BRME1: variants seen among roughly 807,000 people sequenced by gnomAD.
BRME1 encodes the protein BRCA2 and MEILB2-associating protein 1.
BRME1 carries 31 observed loss-of-function variants against 52.6 expected under a neutral mutation model. The ratio of observed to expected loss-of-function variants is 0.59; its 90% confidence interval spans 0.44 to 0.80. The LOEUF (loss-of-function observed/expected upper bound fraction) is 0.80. BRME1 is among the 30% of genes least tolerant of loss of function. BRME1 has a pLI of 0.00. For synonymous variants in BRME1, 359 were observed against 353.6 expected (o/e 1.02, Z -0.17); for missense variants, 804 against 860.3 (o/e 0.93, Z 0.82).
Position 13,890,314 on chromosome 19 carries a change from T to A in BRME1, c.542A>T (p.Gln181Leu), listed in dbSNP as rs754702885. 7 of 1,606,424 alleles carry A rather than the reference T, an allele frequency of 4.4e-6. No individual in the cohort carries two copies. The Admixed American group carries it at 1.0e-4, about 23-fold the overall frequency. Residue 181 changes from glutamine (Q) to leucine (L), a missense_variant, in exon 6 of 9, where the codon CAG becomes CTG. Gln to Leu is a moderately radical substitution (Grantham distance 113). Coordinates refer to ENST00000586783, the MANE Select transcript of BRME1 (RefSeq NM_001345843.2). ...AGAATCCCCACTGCCGGGCACCGCCTGCACAGGGCTCTGGCTGCTCTGCTC... is the reference window on the plus strand; with the variant it reads ...AGAATCCCCACTGCCGGGCACCGCCAGCACAGGGCTCTGGCTGCTCTGCTC... ...RPEQSSQSPVQAVPGSGDSQP... is the reference protein window; with the variant it reads ...RPEQSSQSPVLAVPGSGDSQP...
chr19:13,884,362 A>C (rs1968847622), intron 7 of BRME1, among the ~76,000 whole-genome samples: 1 of 152,028 alleles, frequency 6.6e-6, no homozygotes, highest in Non-Finnish European at 1.5e-5. Context: ...ACGATGGCTC[A>C]TGCCTGTAAT....
At chr19:13,896,747 G>A (rs1969930122) in intron 2 of BRME1, among the ~76,000 whole-genome samples, 2 of 151,146 alleles carry the variant, frequency 1.3e-5, no homozygotes, top group South Asian at 2.1e-4. Context: ...CTAGAGTGAG[G>A]TGGTGCAACT....
chr19:13,885,874 A>T, intron 7 of BRME1, 87 bp downstream of exon 7: 1 of 1,162,766 alleles, frequency 8.6e-7, no homozygotes, highest in Non-Finnish European at 1.3e-6. Context: ...AGGGAGGGAG[A>T]ACTGGGGTCT....
At chr19:13,894,250 C>T (rs990060136) in intron 3 of BRME1, among the ~76,000 whole-genome samples, 10 of 152,104 alleles carry the variant, frequency 6.6e-5, no homozygotes, top group Non-Finnish European at 1.3e-4. Flanking sequence ...AAGGGCCAGG[C>T]GTGGTGGCTC....
chr19:13,889,086 G>A (rs991825058), intron 6 of BRME1, 102 bp downstream of exon 6: 1 of 1,127,960 alleles, frequency 8.9e-7, no homozygotes. Flanking sequence ...TAAGCCCTGA[G>A]CCCCAGCTCC....
At position 13,895,489 on chromosome 19, in the gene BRME1, C is replaced by T. The variant is rs1341466619; in HGVS notation, c.89G>A (p.Gly30Glu). ...GCCCAACATGGAACTCTGGGGGTCC[C>T]CATAGAAGTCTCCTAGCCTTGGGTT... The part of the protein sequence containing the change: ...LKNPRLGDFY[G>E]DPQSSMLGCL... The change falls in exon 3 of 9, where the codon GGG becomes GAG. Residue 30 changes from glycine to glutamate, a missense_variant. This residue lies in a region of BRME1 where 234 missense variants were observed against 258.1 expected (regional missense o/e 0.91). Coordinates refer to ENST00000586783, the MANE Select transcript of BRME1 (RefSeq NM_001345843.2). The T allele has an allele frequency of 3.1e-6, 5 of 1,613,908 alleles. No individual in the cohort carries two copies. The highest frequency in any genetic ancestry group is 4.2e-6 in the Non-Finnish European group (5 of 1,179,962).
In BRME1 at chr19:13,883,346, G is replaced by A. The variant is rs1369325712; in HGVS notation, c.1818C>T (p.Asn606=). The change falls in exon 8 of 9, where the codon AAC becomes AAT. Residue 606 remains asparagine, a synonymous_variant. Transcript: ENST00000586783. This position sits in a 1 kb window ranked among gnomAD's most constrained non-coding sequence, Gnocchi z 4.2. The part of the protein sequence containing the change: ...SEASRMEDAT[N]VVRGLIVELS... ...GCTCAACGATGAGGCCACGCACGAC[G>A]TTGGTGGCATCCTCCATCCTGGAGG... 12 of 1,535,246 alleles carry A rather than the reference G, an allele frequency of 7.8e-6. No homozygotes were observed. The highest frequency in any genetic ancestry group is 2.4e-5 in the East Asian group (1 of 40,880).
Position 13,889,568 on chromosome 19 carries a change from T to C in BRME1, c.1288A>G (p.Met430Val). The C allele has an allele frequency of 6.2e-7, 1 of 1,613,222 alleles. No individual in the cohort carries two copies. The highest frequency in any genetic ancestry group is 8.5e-7 in the Non-Finnish European group (1 of 1,179,714). ...ALAPGSGESMMGAGDSGHASP... is the reference protein window; with the variant it reads ...ALAPGSGESMVGAGDSGHASP... ...GCATGACCGGAATCTCCAGCACCCA[T>C]CATGGACTCTCCGCTCCCAGGTGCC... Residue 430 changes from methionine to valine, a missense_variant, in exon 6 of 9, where the codon ATG becomes GTG. Physicochemically the swap from Met to Val is conservative, Grantham distance 21. Coordinates refer to ENST00000586783, the MANE Select transcript of BRME1 (RefSeq NM_001345843.2).
chr19:13,885,943 C>A lies in BRME1; in HGVS notation c.1763+18G>T. 6.2e-7 allele frequency: 1 copy of A among 1,611,128 alleles called. No individual in the cohort carries two copies. Among genetic ancestry groups the A allele is most frequent in the South Asian group, 1.1e-5 (1 of 90,924 alleles). ...TTGTGAGGGTCCTGGAGCCACTTCT[C>A]ACCCACGCCACACCTACCTCGGCTG... On this transcript the variant is annotated intron_variant, in intron 7 of 8. Transcript: ENST00000586783.
chr19:13,897,295 C>T (rs1969977079), intron 2 of BRME1, among the ~76,000 whole-genome samples: 1 of 152,090 alleles, frequency 6.6e-6, no homozygotes, highest in Admixed American at 6.6e-5. Context: ...CCTCGGCCTC[C>T]CAAAGTGCTG....
In BRME1 at chr19:13,886,289, G is replaced by A. The variant is rs575290066; in HGVS notation, c.1669-234C>T. ...GTCCTTTCCCCTTGGAAAGAGAAAG[G>A]CCACAGCCAACCCTGGTGTCCGCTC... On this transcript the variant is annotated intron_variant, in intron 6 of 8. Coordinates refer to ENST00000586783, the MANE Select transcript of BRME1 (RefSeq NM_001345843.2). Among the ~76,000 whole-genome samples, 39 of 152,330 alleles carry A rather than the reference G, an allele frequency of 2.6e-4. 1 individual carries two copies. The South Asian group carries it at 7.9e-3, about 31-fold the overall frequency.
intron 6 of BRME1, among the ~76,000 whole-genome samples, chr19:13,886,345 G>A (rs773526989): frequency 1.8e-4 from 28 of 152,214 alleles, no homozygotes; most frequent in Non-Finnish European, 3.7e-4. Context: ...GGCTGATCTG[G>A]GCAGTGGGGG....
Position 13,882,963 on chromosome 19 carries a change from A to G in BRME1, c.1857-11T>C. The G allele has an allele frequency of 2.5e-6, 4 of 1,610,722 alleles. No individual in the cohort carries two copies. The highest frequency in any genetic ancestry group is 3.4e-6 in the Non-Finnish European group (4 of 1,179,164). On this transcript the variant is annotated splice_polypyrimidine_tract_variant and intron_variant, in intron 8 of 8. Transcript: ENST00000586783. The stretch of plus-strand genomic sequence containing the variant: ...CCCATGATCAGCCGGCTGTGGGGGA[A>G]ACACAGGCATGCGTGTGGGGCTCAG...
rs757218856 is a variant in BRME1 at position 13,890,412 on chromosome 19, C to T, written c.444G>A (p.Val148=). 1 of 1,518,606 alleles carries T rather than the reference C, an allele frequency of 6.6e-7. No individual in the cohort carries two copies. Among genetic ancestry groups the T allele is most frequent in the Non-Finnish European group, 8.8e-7 (1 of 1,140,622 alleles). The allele number at this position is 1,518,606 out of a possible 1,614,324, so 94.1% of individuals were successfully genotyped here. A position where few individuals can be genotyped will look rare whatever the true frequency, so the allele number is the denominator to read the frequency against. Residue 148 remains valine (V), a synonymous_variant, in exon 6 of 9, where the codon GTG becomes GTA. Transcript: ENST00000586783. ...SAQSPGCQLL[V]ETLGVPLQEA... ...CCTGGAGGGGGACCCCCAGGGTCTC[C>T]ACTAGCAGCTGGCATCCTGGACTCT...
chr19:13,905,292 C>T (rs866030398), intron 1 of BRME1, among the ~76,000 whole-genome samples: 41 of 152,066 alleles, frequency 2.7e-4, no homozygotes, highest in African/African-American at 8.9e-4. Context: ...TGAGGACTCT[C>T]CAGGGGCCTC....
intron 5 of BRME1, among the ~76,000 whole-genome samples, chr19:13,891,306 T>C (rs901541966): frequency 1.3e-5 from 2 of 151,398 alleles, no homozygotes; most frequent in African/African-American, 2.4e-5. Context: ...CGCGCCACCA[T>C]GCCCGGCTAA....
At position 13,895,424 on chromosome 19, in the gene BRME1, G is replaced by A. The variant is rs773543153; in HGVS notation, c.154C>T (p.Pro52Ser). The A allele has an allele frequency of 2.5e-6, 4 of 1,613,992 alleles. No individual in the cohort carries two copies. Among genetic ancestry groups the A allele is most frequent in the East Asian group, 2.2e-5 (1 of 44,902 alleles). Residue 52 changes from proline to serine, a missense_variant, in exon 3 of 9, where the codon CCT becomes TCT. This residue lies in a region of BRME1 where 234 missense variants were observed against 258.1 expected (regional missense o/e 0.91). Coordinates refer to ENST00000586783, the MANE Select transcript of BRME1 (RefSeq NM_001345843.2). ...HPEEPEGKLG[P>S]VPSTQQHGEE... ...CCGTGCTGCTGTGTAGAGGGAACAG[G>A]TCCCAATTTGCCCTCTGGCTCCTCA...
In BRME1 at chr19:13,883,402, T is replaced by TGG. The variant is rs1968778913; in HGVS notation, c.1764-4_1764-3dup. 6.5e-7 allele frequency: 1 copy of TGG among 1,530,660 alleles called. No homozygotes were observed. Among genetic ancestry groups the TGG allele is most frequent in the Admixed American group, 2.0e-5 (1 of 50,916 alleles). The allele number at this position is 1,530,660 out of a possible 1,614,324, so 94.8% of individuals were successfully genotyped here. On this transcript the variant is annotated splice_polypyrimidine_tract_variant and splice_region_variant and intron_variant, in intron 7 of 8. Transcript: ENST00000586783. The surrounding 1 kb of genome is among the most constrained non-coding windows in gnomAD (Gnocchi z 4.2). ...GAGGCCTGGATCCCCACGAAGGTCC[T>TGG]GGCCAGCAGGGAAGGAAATTGAGAG... is the stretch of plus-strand genomic sequence containing the variant.
chr19:13,904,817 C>A (rs1302026758), intron 2 of BRME1, 45 bp downstream of exon 2: 4 of 1,600,754 alleles, frequency 2.5e-6, no homozygotes, highest in African/African-American at 1.3e-5. Flanking sequence ...ATTCTTCCCA[C>A]AAGCAGAAGC....
Sources: allele counts gnomAD v4.1 joint callset (sites outside exome capture counted in the v4.1 genomes callset), GRCh38; gene constraint gnomAD v4.1.1; regional missense constraint gnomAD v4.1.1; non-coding constraint Gnocchi (gnomAD v3.1); transcripts MANE v1.5; gene names NCBI Gene and HGNC (gene_info 2026-07-23, HGNC 2026-07-21).